Variants in AMOT observed in about 807,000 individuals in gnomAD.
AMOT encodes angiomotin.
In AMOT, 11 loss-of-function variants were observed where a neutral mutation model predicts 67.0. The ratio of observed to expected loss-of-function variants is 0.16; its 90% CI spans 0.10 to 0.27. The LOEUF is 0.27. Among genes scored for constraint, AMOT ranks in the 10% least tolerant of loss-of-function variants. AMOT has a pLI of 1.00. For missense variants in AMOT, 753 were observed against 852.0 expected, an observed-to-expected ratio of 0.88 and a Z score of 1.45; for synonymous variants, 326 against 321.4, an observed-to-expected ratio of 1.01 and a Z score of -0.15.
intron 1 of AMOT, among the ~76,000 whole-genome samples, chrX:112,838,686 TA>T (rs1217455861): frequency 8.9e-6 from 1 of 112,679 alleles, no homozygotes; most frequent in Non-Finnish European, 1.9e-5. Flanking sequence ...ATTCCCTTTC[TA>T]AAATCTTTTA....
rs1231680569 is a variant in AMOT at position 112,822,251 on chromosome X, T to C, written c.872+4A>G. The C allele has an allele frequency of 1.8e-6, 2 of 1,092,570 alleles. No homozygotes were observed. Among genetic ancestry groups the C allele is most frequent in the African/African-American group, 3.8e-5 (2 of 53,128 alleles). 90.0% of individuals were successfully genotyped at this position (1,092,570 alleles called of 1,213,427 possible). On this transcript the variant is annotated splice_donor_region_variant and intron_variant, in intron 4 of 13. Coordinates refer to ENST00000371959, the MANE Select transcript of AMOT (RefSeq NM_001113490.2). ...AGGAAATGACAGAAACAGAACTCTC[T>C]TACCTGGCTGCTCCATACTCAGGGG...
intron 1 of AMOT, among the ~76,000 whole-genome samples, chrX:112,837,665 T>G (rs768514038): frequency 1.8e-5 from 2 of 111,209 alleles, no homozygotes; most frequent in South Asian, 3.8e-4. Context: ...GACAAAATTC[T>G]AACCTTTGAC....
rs764576868 is a variant in AMOT, at chrX:112,779,442, GGTGATGGTGGCAGCAGTGGCA to G, written c.2691_2711del (p.Ala898_Thr904del). The G allele has an allele frequency of 6.9e-5, 82 of 1,184,844 alleles. No individual in the cohort carries two copies. The East Asian group carries it at 8.8e-4, about 13-fold the overall frequency. ...CTGGAGCAGCAGCTACCATGGTGGT[GGTGATGGTGGCAGCAGTGGCA>G]GTGATGGCGGCAGCAGTGGCGGCAG... On this transcript the variant is annotated inframe_deletion, in exon 13 of 14. Coordinates refer to ENST00000371959, the MANE Select transcript of AMOT (RefSeq NM_001113490.2).
intron 8 of AMOT, 122 bp downstream of exon 8, chrX:112,804,825 G>T: frequency 1.0e-6 from 1 of 968,691 alleles, no homozygotes. Flanking sequence ...ACTAGGAGCA[G>T]CAGATGGCAC....
In AMOT at chrX:112,791,887, T is replaced by C. The variant is rs1242574710; in HGVS notation, c.1871A>G (p.Glu624Gly). ...QAACEKREQL[E>G]HRLRTRLERE... is the part of the protein sequence containing the mutation. ...CTCCAGTCGTGTCCGGAGACGGTGC[T>C]CTAGCTGCTCACGTTTTTCACATGC... Residue 624 changes from glutamate to glycine, a missense_variant, in exon 9 of 14, where the codon GAG (glutamate) becomes GGG (glycine). This residue lies in a region of AMOT where 66 missense variants were observed against 112.9 expected (regional missense o/e 0.58). Coordinates refer to ENST00000371959, the MANE Select transcript of AMOT (RefSeq NM_001113490.2). 1.7e-6 allele frequency: 2 copies of C among 1,210,460 alleles called. No homozygotes were observed. Among genetic ancestry groups the C allele is most frequent in the South Asian group, 1.8e-5 (1 of 56,834 alleles).
intron 8 of AMOT, 21 bp from the exon 9 acceptor site, chrX:112,792,002 ATTTG>A (rs1204072713): frequency 8.3e-7 from 1 of 1,207,474 alleles, no homozygotes; most frequent in Non-Finnish European, 1.1e-6. Context: ...ATGTTGGGTA[ATTTG>A]CAAGGTGAAA....
At position 112,777,398 on chromosome X, in the gene AMOT, G is replaced by C. The variant is rs1186961002; in HGVS notation, c.*1169C>G. ...GATGGTGTCACTGACAGTGAGAAGA[G>C]GTAGTTGAGGATACTGCTGCAATCC... On this transcript the variant is annotated 3_prime_UTR_variant, in exon 14 of 14. Transcript: ENST00000371959. 1 of 112,023 alleles carries C rather than the reference G, an allele frequency of 8.9e-6. No homozygotes were observed. Among genetic ancestry groups the C allele is most frequent in the Non-Finnish European group, 1.9e-5 (1 of 53,223 alleles). 9.2% of individuals were successfully genotyped at this position (112,023 alleles called of 1,213,427 possible).
Position 112,815,543 on chromosome X carries a change from G to C in AMOT, c.1207C>G (p.Pro403Ala), listed in dbSNP as rs201733809. The C allele has an allele frequency of 8.3e-6, 10 of 1,211,598 alleles. No individual in the cohort carries two copies. The highest frequency in any genetic ancestry group is 1.1e-5 in the Non-Finnish European group (10 of 895,382). Residue 403 changes from proline to alanine, a missense_variant, in exon 5 of 14, where the codon CCA becomes GCA. Physicochemically the swap from Pro to Ala is conservative, Grantham distance 27. Transcript: ENST00000371959. ...QQQQQQPQQQ[P>A]GEAYSAMPRA... is the part of the protein sequence containing the mutation. ...GGCATAGCTGAATAGGCTTCTCCTG[G>C]CTGCTGCTGTGGCTGCTGCTGCTGC...
intron 8 of AMOT, among the ~76,000 whole-genome samples, chrX:112,798,479 T>C (rs1185301987): frequency 8.9e-6 from 1 of 112,548 alleles, no homozygotes. Context: ...TCTGCCTCAA[T>C]TGGAAGGCAA....
At chrX:112,798,341 T>C (rs1416699831) in intron 8 of AMOT, among the ~76,000 whole-genome samples, 1 of 112,741 alleles carries the variant, frequency 8.9e-6, no homozygotes, top group Non-Finnish European at 1.9e-5. Flanking sequence ...GCAGTCATTT[T>C]TTAAAGATTT....
intron 1 of AMOT, among the ~76,000 whole-genome samples, chrX:112,839,212 G>A (rs1242556751): frequency 4.5e-5 from 5 of 112,299 alleles, no homozygotes; most frequent in African/African-American, 1.6e-4. Flanking sequence ...CAGGCTTGAC[G>A]CACTTGTCCA....
chrX:112,812,933 C>A (rs898042551), intron 5 of AMOT, among the ~76,000 whole-genome samples: 2 of 112,742 alleles, frequency 1.8e-5, no homozygotes, highest in African/African-American at 6.4e-5. Flanking sequence ...TCACAGATGG[C>A]ACCAAGATAG....
At chrX:112,838,567 A>G (rs1602855425) in intron 1 of AMOT, among the ~76,000 whole-genome samples, 1 of 112,327 alleles carries the variant, frequency 8.9e-6, no homozygotes, top group African/African-American at 3.2e-5. Context: ...AGAAAAAGCA[A>G]CTCTACAAAT....
intron 8 of AMOT, among the ~76,000 whole-genome samples, chrX:112,803,311 T>A (rs1459453140): frequency 9.0e-6 from 1 of 111,623 alleles, no homozygotes; most frequent in African/African-American, 3.3e-5. Flanking sequence ...GCAAGCTACT[T>A]CTTCGCAGCA....
At chrX:112,797,713 G>A (rs756014366) in intron 8 of AMOT, among the ~76,000 whole-genome samples, 2 of 110,981 alleles carry the variant, frequency 1.8e-5, no homozygotes, top group African/African-American at 6.6e-5. Context: ...CCCAGGAGGC[G>A]GAGGTTAAAG....
rs1382815426 is a variant in AMOT at position 112,825,187 on chromosome X, G to A, written c.-178C>T. 1 of 111,778 alleles carries A rather than the reference G, an allele frequency of 8.9e-6. No homozygotes were observed. The highest frequency in any genetic ancestry group is 1.9e-5 in the Non-Finnish European group (1 of 53,182). The allele number at this position is 111,778 out of a possible 1,213,427, so 9.2% of individuals were successfully genotyped here. A position where few individuals can be genotyped will look rare whatever the true frequency, so the allele number is the denominator to read the frequency against. ...CTCTCCCCTAACACTCAGGTTCAGGGTAAGCGCCGCCAAGAGTCCAACCAC... is the reference window on the plus strand; with the variant it reads ...CTCTCCCCTAACACTCAGGTTCAGGATAAGCGCCGCCAAGAGTCCAACCAC... On this transcript the variant is annotated 5_prime_UTR_variant, in exon 3 of 14. Coordinates refer to ENST00000371959, the MANE Select transcript of AMOT (RefSeq NM_001113490.2).
chrX:112,815,789 G>A lies in AMOT; in HGVS notation c.961C>T (p.Pro321Ser), dbSNP rs1007462799. Reference sequence around the variant, plus strand: ...GTGGATGGTGGAGATTGTAGCAAGGGCAAGGACCCCCCAGAGGTCAGAGAA... The same window carrying A: ...GTGGATGGTGGAGATTGTAGCAAGGACAAGGACCCCCCAGAGGTCAGAGAA... ...TSSLTSGGSL[P>S]LLQSPPSTRL... The change falls in exon 5 of 14, where the codon CCC (proline) becomes TCC (serine). Residue 321 changes from proline (P) to serine (S), a missense_variant. This residue lies in a region of AMOT where 297 missense variants were observed against 284.3 expected (regional missense o/e 1.04). Coordinates refer to ENST00000371959, the MANE Select transcript of AMOT (RefSeq NM_001113490.2). 4.5e-5 allele frequency: 52 copies of A among 1,165,162 alleles called. No homozygotes were observed. In the Admixed American group the frequency reaches 1.2e-3, roughly 27 times the overall value.
At chrX:112,792,378 G>C (rs1414742563) in intron 8 of AMOT, among the ~76,000 whole-genome samples, 1 of 112,198 alleles carries the variant, frequency 8.9e-6, no homozygotes, top group African/African-American at 3.2e-5. Context: ...TATTGCATTA[G>C]GCAAATGCTT....
In AMOT at chrX:112,777,835, G is replaced by C. The variant is rs961914613; in HGVS notation, c.*732C>G. ...ATCACTCAGTTAATGTACTCTCCCA[G>C]CATCTGAAAGCAATATATTAATTAT... On this transcript the variant is annotated 3_prime_UTR_variant, in exon 14 of 14. Coordinates refer to ENST00000371959, the MANE Select transcript of AMOT (RefSeq NM_001113490.2). 1 of 111,938 alleles carries C rather than the reference G, an allele frequency of 8.9e-6. No homozygotes were observed. Among genetic ancestry groups the C allele is most frequent in the African/African-American group, 3.3e-5 (1 of 30,659 alleles). 9.2% of individuals were successfully genotyped at this position (111,938 alleles called of 1,213,427 possible). A position where few individuals can be genotyped will look rare whatever the true frequency, so the allele number is the denominator to read the frequency against.
Sources: allele counts gnomAD v4.1 joint callset (sites outside exome capture counted in the v4.1 genomes callset), GRCh38; gene constraint gnomAD v4.1.1; regional missense constraint gnomAD v4.1.1; transcripts MANE v1.5; gene names NCBI Gene and HGNC (gene_info 2026-07-23, HGNC 2026-07-21).